The following FSD1L variants were observed in gnomAD, a reference collection of about 807,000 sequenced individuals.
The protein encoded by FSD1L is FSD1-like protein.
In FSD1L, 45 loss-of-function variants were observed where a neutral mutation model predicts 71.6. The ratio of observed to expected loss-of-function variants is 0.63; its 90% CI spans 0.49 to 0.81. The LOEUF (loss-of-function observed/expected upper bound fraction) is 0.81. FSD1L is among the 30% of genes least tolerant of loss of function. The pLI is 0.00. For missense variants in FSD1L, 561 were observed against 618.1 expected, an observed-to-expected ratio of 0.91 and a Z score of 0.98; for synonymous variants, 197 against 207.2, an observed-to-expected ratio of 0.95 and a Z score of 0.42.
rs543486893 is a variant in FSD1L at position 105,484,312 on chromosome 9, T to C, written c.465-69T>C. 155 of 1,192,594 alleles carry C rather than the reference T, an allele frequency of 1.3e-4. 1 individual carries two copies. In the South Asian group the frequency reaches 2.5e-3, roughly 19 times the overall value. The allele number at this position is 1,192,594 out of a possible 1,614,324, so 73.9% of individuals were successfully genotyped here. A position where few individuals can be genotyped will look rare whatever the true frequency, so the allele number is the denominator to read the frequency against. ...TAGTGATATAATTTGTCTTTTCATT[T>C]TATAAATTAAATATGATTTGATACT... On this transcript the variant is annotated intron_variant, in intron 6 of 13. Coordinates refer to ENST00000481272, the MANE Select transcript of FSD1L (RefSeq NM_001145313.3).
intron 10 of FSD1L, among the ~76,000 whole-genome samples, chr9:105,534,228 C>T (rs1014242090): frequency 2.6e-5 from 4 of 151,818 alleles, no homozygotes; most frequent in African/African-American, 9.7e-5. Context: ...TTTCTTATTT[C>T]AGCCGTGTAT....
chr9:105,525,496 C>A, intron 10 of FSD1L: 2 of 1,609,354 alleles, frequency 1.2e-6, no homozygotes, highest in Non-Finnish European at 1.7e-6. Context: ...AGCTGTGGAA[C>A]AAGATGAACC....
chr9:105,471,232 C>T (rs1167816227), intron 4 of FSD1L, among the ~76,000 whole-genome samples: 1 of 152,154 alleles, frequency 6.6e-6, no homozygotes, highest in Non-Finnish European at 1.5e-5. Flanking sequence ...TGATCAACCC[C>T]CTAGCCATCC....
intron 7 of FSD1L, among the ~76,000 whole-genome samples, chr9:105,489,913 A>G (rs924437935): frequency 6.6e-6 from 1 of 152,198 alleles, no homozygotes; most frequent in African/African-American, 2.4e-5. Flanking sequence ...ATTGTTGGAC[A>G]TTTGGGTTGG....
chr9:105,472,514 T>C (rs1300865440), intron 5 of FSD1L: 1 of 152,262 alleles, frequency 6.6e-6, no homozygotes, highest in Non-Finnish European at 1.5e-5. Context: ...TTTTAAATGA[T>C]TACCATTTTG....
chr9:105,524,496 G>A, intron 10 of FSD1L: 1 of 1,613,680 alleles, frequency 6.2e-7, no homozygotes, highest in African/African-American at 1.3e-5. Context: ...TCATGCTACG[G>A]GAGCAGAAAG....
chr9:105,533,429 T>TTTTTTTTTTTTTTTTTTTTG, intron 10 of FSD1L, among the ~76,000 whole-genome samples: 1 of 102,324 alleles, frequency 9.8e-6, no homozygotes, highest in Non-Finnish European at 2.0e-5. Context: ...TTTTTTTTTT[T>TTTTTTTTTTTTTTTTTTTTG]TTTTTTTTTT....
intron 4 of FSD1L, 25 bp downstream of exon 4, chr9:105,468,349 A>G: frequency 6.8e-7 from 1 of 1,464,810 alleles, no homozygotes; most frequent in African/African-American, 1.5e-5. Flanking sequence ...CTATTGAAAT[A>G]TGGATAATTT....
At chr9:105,483,595 A>G (rs1832347359) in intron 6 of FSD1L, among the ~76,000 whole-genome samples, 1 of 152,222 alleles carries the variant, frequency 6.6e-6, no homozygotes, top group Non-Finnish European at 1.5e-5. Context: ...TAATAGAATA[A>G]GAGGATTTCT....
chr9:105,459,453 C>T (rs1830555372), intron 1 of FSD1L, among the ~76,000 whole-genome samples: 1 of 152,140 alleles, frequency 6.6e-6, no homozygotes, highest in African/African-American at 2.4e-5. Context: ...TTTTAGAATG[C>T]TAAATATGAG....
chr9:105,523,566 C>G (rs1835320443), intron 10 of FSD1L: 2 of 1,611,866 alleles, frequency 1.2e-6, no homozygotes, highest in Admixed American at 1.7e-5. Flanking sequence ...TAGAGATAAC[C>G]TCGGCATTTC....
chr9:105,532,088 G>C (rs911542081), intron 10 of FSD1L, among the ~76,000 whole-genome samples: 2 of 152,158 alleles, frequency 1.3e-5, no homozygotes, highest in Admixed American at 1.3e-4. Flanking sequence ...TGTGGCATCT[G>C]TGGATTCCCT....
chr9:105,521,418 G>T (rs1035672439), intron 10 of FSD1L: 6 of 1,614,010 alleles, frequency 3.7e-6, no homozygotes, highest in Non-Finnish European at 5.1e-6. Flanking sequence ...TATTGATGAA[G>T]AACATCTCAC....
intron 10 of FSD1L, among the ~76,000 whole-genome samples, chr9:105,516,746 A>G (rs1834751371): frequency 6.6e-6 from 1 of 152,220 alleles, no homozygotes; most frequent in South Asian, 2.1e-4. Context: ...TGAAAATTCC[A>G]AAAGCCAGAA....
intron 10 of FSD1L, among the ~76,000 whole-genome samples, chr9:105,519,499 T>G (rs574338678): frequency 6.6e-6 from 1 of 152,162 alleles, no homozygotes; most frequent in South Asian, 2.1e-4. Context: ...GTTCAACATA[T>G]AGAAATCAAT....
At chr9:105,520,501 G>A in intron 10 of FSD1L, 1 of 1,071,342 alleles carries the variant, frequency 9.3e-7, no homozygotes, top group Non-Finnish European at 1.5e-6. Context: ...GGAACTGGAT[G>A]CTATACTTTT....
intron 13 of FSD1L, 45 bp downstream of exon 13, chr9:105,539,396 G>C: frequency 1.1e-6 from 1 of 874,234 alleles, no homozygotes; most frequent in South Asian, 2.0e-5. Context: ...TATTTTACTT[G>C]GTTGGCAACT....
chr9:105,485,023 A>G (rs1175531294), intron 7 of FSD1L, among the ~76,000 whole-genome samples: 1 of 152,204 alleles, frequency 6.6e-6, no homozygotes, highest in Non-Finnish European at 1.5e-5. Flanking sequence ...CTTTATCTTC[A>G]GTAATATGTT....
intron 1 of FSD1L, among the ~76,000 whole-genome samples, chr9:105,456,721 G>C (rs1830379543): frequency 6.6e-6 from 1 of 152,154 alleles, no homozygotes. Context: ...ATCACCAAAA[G>C]ACATTTGCTG....
Sources: gnomAD v4.1 joint callset for allele counts (sites outside exome capture counted in the v4.1 genomes callset) on GRCh38, gnomAD v4.1.1 for gene constraint, MANE v1.5 for transcripts, NCBI Gene and HGNC (gene_info 2026-07-23, HGNC 2026-07-21) for gene names.